CNTNAP3: variants seen among roughly 807,000 people sequenced by gnomAD.
The protein encoded by CNTNAP3 is contactin associated protein family member 3.
Under a neutral mutation model 92.1 loss-of-function variants are expected in CNTNAP3, and 36 were observed. The observed-to-expected ratio is 0.39, with a 90% confidence interval of 0.30 to 0.52. CNTNAP3 has a LOEUF of 0.52. CNTNAP3 is among the 20% of genes least tolerant of loss of function. The pLI, the probability that CNTNAP3 is intolerant of heterozygous loss-of-function variation, is 0.76. For missense variants in CNTNAP3, 534 were observed against 1,069.6 expected, an observed-to-expected ratio of 0.50 and a Z score of 6.98; for synonymous variants, 232 against 422.3, an observed-to-expected ratio of 0.55 and a Z score of 5.53.
At chr9:39,088,904 T>A (rs1261551640) in intron 18 of CNTNAP3, among the ~76,000 whole-genome samples, 3 of 152,224 alleles carry the variant, frequency 2.0e-5, no homozygotes, top group Non-Finnish European at 4.4e-5. Context: ...CTCCAAATCA[T>A]CCTCATCTTA....
At chr9:39,118,299 C>T in intron 13 of CNTNAP3, 40 bp from the exon 14 acceptor site, 1 of 1,612,308 alleles carries the variant, frequency 6.2e-7, no homozygotes, top group Non-Finnish European at 8.5e-7. Context: ...CTACTTTGTC[C>T]CTCACTACCA....
At chr9:39,122,021 A>G (rs1190387359) in intron 13 of CNTNAP3, among the ~76,000 whole-genome samples, 2 of 152,158 alleles carry the variant, frequency 1.3e-5, no homozygotes, top group Non-Finnish European at 2.9e-5. Context: ...ACAGTCCAGG[A>G]AGACAGGTTC....
intron 1 of CNTNAP3, among the ~76,000 whole-genome samples, chr9:39,271,921 G>GTTTT (rs1173998046): frequency 1.7e-4 from 2 of 11,830 alleles, no homozygotes; most frequent in African/African-American, 2.3e-4. Context: ...AGTTTACATA[G>GTTTT]TTTTTTTTTT....
At position 39,111,463 on chromosome 9, in the gene CNTNAP3, C is replaced by T. The variant is rs1053563794; in HGVS notation, c.2238-2176G>A. Among the ~76,000 whole-genome samples the T allele has an allele frequency of 2.0e-5, 3 of 152,058 alleles. 1 individual carries two copies. The highest frequency in any genetic ancestry group is 4.4e-5 in the Non-Finnish European group (3 of 67,996). On this transcript the variant is annotated intron_variant, in intron 14 of 23. Transcript: ENST00000297668. The stretch of plus-strand genomic sequence containing the variant: ...TTCAGACTAAAACCCTGTTGCTTTA[C>T]CTAGTTAAGATTCTGTTATTCATTT...
chr9:39,148,671 G>A (rs1219647363), intron 10 of CNTNAP3, among the ~76,000 whole-genome samples: 1 of 151,872 alleles, frequency 6.6e-6, no homozygotes, highest in Non-Finnish European at 1.5e-5. Context: ...AACTACAGGC[G>A]CCCGCCACCA....
At chr9:39,080,660 CTTTT>C (rs774669701) in intron 21 of CNTNAP3, among the ~76,000 whole-genome samples, 13 of 91,036 alleles carry the variant, frequency 1.4e-4, no homozygotes, top group East Asian at 4.1e-4. Context: ...TAGGGCAGAC[CTTTT>C]TTTTTTTTTT....
intron 11 of CNTNAP3, among the ~76,000 whole-genome samples, chr9:39,142,702 G>A (rs1205581283): frequency 6.6e-6 from 1 of 151,578 alleles, no homozygotes; most frequent in Non-Finnish European, 1.5e-5. Context: ...ATGTGTCACG[G>A]CTTTATAAAC....
In CNTNAP3 at chr9:39,099,927, C is replaced by T. The variant is rs144843267; in HGVS notation, c.2979G>A (p.Gly993=). The T allele has an allele frequency of 1.9e-6, 3 of 1,611,302 alleles. No individual in the cohort carries two copies. The Admixed American group carries it at 5.0e-5, about 27-fold the overall frequency. Residue 993 remains glycine (G), a synonymous_variant, in exon 18 of 24, where the codon GGG becomes GGA. Coordinates refer to ENST00000297668, the MANE Select transcript of CNTNAP3 (RefSeq NM_033655.5). ...CACACTTACCATTGGAGCAGAACGG[C>T]CCATCATAGGCTGAGAAGGCACAGT... ...TCDCAFSAYD[G]PFCSNEISAY...
chr9:39,097,104 C>T (rs1174504118), intron 18 of CNTNAP3, among the ~76,000 whole-genome samples: 1 of 151,978 alleles, frequency 6.6e-6, no homozygotes, highest in East Asian at 1.9e-4. Flanking sequence ...ATTGATCTTG[C>T]TTCAAGTTTG....
chr9:39,108,782 TAG>T (rs929392523), intron 15 of CNTNAP3, among the ~76,000 whole-genome samples: 26 of 151,954 alleles, frequency 1.7e-4, no homozygotes, highest in Admixed American at 1.2e-3. Flanking sequence ...GGTCAGAAAA[TAG>T]AGAGTGTCCA....
intron 18 of CNTNAP3, among the ~76,000 whole-genome samples, chr9:39,096,615 T>C (rs1395848436): frequency 1.3e-5 from 2 of 150,626 alleles, no homozygotes; most frequent in Non-Finnish European, 3.0e-5. Flanking sequence ...TTGTTAACTA[T>C]AGTCATCCTG....
At chr9:39,148,776 C>T (rs1426881672) in intron 10 of CNTNAP3, among the ~76,000 whole-genome samples, 4 of 152,278 alleles carry the variant, frequency 2.6e-5, no homozygotes, top group South Asian at 2.1e-4. Flanking sequence ...CCGCTCTCCT[C>T]GGCCTCCCAA....
chr9:39,097,041 G>A (rs1023028541), intron 18 of CNTNAP3, among the ~76,000 whole-genome samples: 1 of 151,836 alleles, frequency 6.6e-6, no homozygotes, highest in African/African-American at 2.4e-5. Flanking sequence ...TTTCTCTGAT[G>A]ATCTATTTTT....
At chr9:39,098,596 T>G (rs1245287226) in intron 18 of CNTNAP3, among the ~76,000 whole-genome samples, 4 of 152,192 alleles carry the variant, frequency 2.6e-5, no homozygotes, top group Non-Finnish European at 5.9e-5. Context: ...TCAGCACTTG[T>G]GCTCATGAAG....
chr9:39,133,026 G>A lies in CNTNAP3; in HGVS notation c.1986C>T (p.Gly662=). 1 of 1,543,494 alleles carries A rather than the reference G, an allele frequency of 6.5e-7. No homozygotes were observed. The highest frequency in any genetic ancestry group is 1.2e-5 in the South Asian group (1 of 84,874). ...RSAVSFAYAA[G]AGQLRSAVNL... is the part of the protein sequence containing the mutation. ...TCACCGCGGACCGCAGCTGCCCCGC[G>A]CCCGCTGCGTACGCGAAGGACACAG... is the stretch of plus-strand genomic sequence containing the variant. The change falls in exon 13 of 24, where the codon GGC becomes GGT. Residue 662 remains glycine (G), a synonymous_variant. Coordinates refer to ENST00000297668, the MANE Select transcript of CNTNAP3 (RefSeq NM_033655.5).
intron 20 of CNTNAP3, 33 bp downstream of exon 20, chr9:39,086,683 T>C: frequency 1.2e-6 from 2 of 1,601,276 alleles, no homozygotes; most frequent in Non-Finnish European, 1.7e-6. Context: ...ATAATAATAT[T>C]AGTTAGTTTG....
chr9:39,137,342 A>G (rs557196228), intron 12 of CNTNAP3, among the ~76,000 whole-genome samples: 117 of 150,226 alleles, frequency 7.8e-4, no homozygotes, highest in African/African-American at 2.6e-3. Context: ...GATCTCTAGC[A>G]CTCCTTTTTG....
In CNTNAP3 at chr9:39,071,178, C is replaced by T. The variant is rs1027091390; in HGVS notation, c.*2712G>A. 6.6e-6 allele frequency among the ~76,000 whole-genome samples: 1 copy of T among 152,082 alleles called. No homozygotes were observed. The highest frequency in any genetic ancestry group is 2.4e-5 in the African/African-American group (1 of 41,380). ...CTCTATTACAATGAAAGATCATACA[C>T]AGTCTGGAAGAAAATGTTAAATTTA... On this transcript the variant is annotated 3_prime_UTR_variant, in exon 24 of 24. Transcript: ENST00000297668.
intron 13 of CNTNAP3, among the ~76,000 whole-genome samples, chr9:39,127,415 A>T (rs1821176240): frequency 6.6e-6 from 1 of 152,052 alleles, no homozygotes; most frequent in African/African-American, 2.4e-5. Context: ...AAGGAAGGAG[A>T]TAACAAAGAG....
Sources: allele counts gnomAD v4.1 joint callset (sites outside exome capture counted in the v4.1 genomes callset), GRCh38; gene constraint gnomAD v4.1.1; transcripts MANE v1.5; gene names NCBI Gene and HGNC (gene_info 2026-07-23, HGNC 2026-07-21).